Variants in CGNL1 observed in about 807,000 individuals in gnomAD.
CGNL1 encodes the protein cingulin-like protein 1.
CGNL1 carries 132 observed loss-of-function variants against 141.2 expected under a neutral mutation model. The ratio of observed to expected loss-of-function variants is 0.93; its 90% CI spans 0.81 to 1.08. CGNL1 has a LOEUF of 1.08. Ranked by LOEUF, CGNL1 falls within the 50% of genes least tolerant of loss-of-function variation. The probability of loss-of-function intolerance (pLI) is 0.00; values close to 1 mark genes in which losing one functional copy is unlikely to be tolerated. For synonymous variants in CGNL1, 690 were observed against 622.1 expected (o/e 1.11, Z -1.63); for missense variants, 1,870 against 1,588.6 (o/e 1.18, Z -3.01).
At chr15:57,467,149 A>G (rs763672121) in intron 8 of CGNL1, among the ~76,000 whole-genome samples, 2 of 152,352 alleles carry the variant, frequency 1.3e-5, no homozygotes, top group Middle Eastern at 3.4e-3. Context: ...AGGACTATAC[A>G]TATAAATCAG....
At chr15:57,501,519 C>A (rs760097599) in intron 8 of CGNL1, among the ~76,000 whole-genome samples, 2 of 152,190 alleles carry the variant, frequency 1.3e-5, no homozygotes. Context: ...GGCTTATTGT[C>A]CAGTTCCCCA....
intron 8 of CGNL1, among the ~76,000 whole-genome samples, chr15:57,509,584 T>G (rs1161313537): frequency 6.6e-6 from 1 of 151,764 alleles, no homozygotes; most frequent in African/African-American, 2.4e-5. Context: ...CCATGGGGGG[T>G]TTGGTACTCA....
intron 1 of CGNL1, among the ~76,000 whole-genome samples, chr15:57,417,779 G>T (rs542833941): frequency 6.6e-6 from 1 of 152,218 alleles, no homozygotes; most frequent in South Asian, 2.1e-4. Flanking sequence ...GATGGATGAT[G>T]GAGACAAATA....
intron 8 of CGNL1, among the ~76,000 whole-genome samples, chr15:57,462,230 C>T (rs1321054869): frequency 6.6e-6 from 1 of 152,158 alleles, no homozygotes; most frequent in Non-Finnish European, 1.5e-5. Flanking sequence ...AGGCCGAGGG[C>T]ATTGTGTGAC....
chr15:57,402,107 T>C (rs1289079605), intron 1 of CGNL1: 3 of 152,210 alleles, frequency 2.0e-5, no homozygotes, highest in Admixed American at 6.5e-5. Context: ...TCATGTTGAA[T>C]TGTAATCCCC....
chr15:57,426,026 AC>A (rs1286554942), intron 1 of CGNL1, among the ~76,000 whole-genome samples: 4 of 148,378 alleles, frequency 2.7e-5, no homozygotes, highest in Non-Finnish European at 1.5e-5. Context: ...GTAGGCAGGG[AC>A]CCCCCTCCCC....
At chr15:57,503,208 GTA>G (rs2064050847) in intron 8 of CGNL1, among the ~76,000 whole-genome samples, 2 of 152,234 alleles carry the variant, frequency 1.3e-5, no homozygotes, top group African/African-American at 4.8e-5. Context: ...AGTTAGGTCA[GTA>G]GGAGCCTTGG....
intron 1 of CGNL1, among the ~76,000 whole-genome samples, chr15:57,433,068 T>C (rs1170800144): frequency 6.7e-6 from 1 of 150,326 alleles, no homozygotes; most frequent in African/African-American, 2.5e-5. Context: ...ACAACACTTA[T>C]TGGTGAGTAG....
chr15:57,413,899 T>C (rs1252489891), intron 1 of CGNL1, among the ~76,000 whole-genome samples: 2 of 152,202 alleles, frequency 1.3e-5, no homozygotes, highest in Non-Finnish European at 2.9e-5. Context: ...TGTGGCTCTT[T>C]CAAGGAGATG....
At chr15:57,470,476 G>T (rs934913422) in intron 8 of CGNL1, among the ~76,000 whole-genome samples, 1 of 151,972 alleles carries the variant, frequency 6.6e-6, no homozygotes, top group African/African-American at 2.4e-5. Flanking sequence ...AAAAACTCTG[G>T]GGGGCTGGGT....
At chr15:57,459,221 A>G (rs2063416819) in intron 7 of CGNL1, among the ~76,000 whole-genome samples, 1 of 152,230 alleles carries the variant, frequency 6.6e-6, no homozygotes, top group African/African-American at 2.4e-5. Context: ...GAATTCTGAC[A>G]TCTCCAGACA....
At chr15:57,437,890 C>A in intron 1 of CGNL1, 95 bp from the exon 2 acceptor site, 1 of 1,191,438 alleles carries the variant, frequency 8.4e-7, no homozygotes, top group Non-Finnish European at 1.2e-6. Context: ...TTTCTTTGAA[C>A]TTTGAAGTTT....
intron 1 of CGNL1, among the ~76,000 whole-genome samples, chr15:57,380,182 C>A (rs901312003): frequency 6.6e-6 from 1 of 152,148 alleles, no homozygotes; most frequent in African/African-American, 2.4e-5. Context: ...TACAGGCATG[C>A]GCCACCATAC....
chr15:57,464,058 G>A (rs1269231429), intron 8 of CGNL1, among the ~76,000 whole-genome samples: 2 of 129,140 alleles, frequency 1.5e-5, no homozygotes, highest in African/African-American at 6.0e-5. Context: ...CTTAGGCATA[G>A]GGGGCACTTT....
chr15:57,388,357 C>A (rs763817871), intron 1 of CGNL1, among the ~76,000 whole-genome samples: 1 of 152,074 alleles, frequency 6.6e-6, no homozygotes, highest in Non-Finnish European at 1.5e-5. Context: ...TTGTGCTGGA[C>A]GAAGACAGGA....
At position 57,440,409 on chromosome 15, in the gene CGNL1, G is replaced by C; in HGVS notation, c.1635G>C (p.Glu545Asp). The change falls in exon 3 of 19, where the codon GAG becomes GAC. Residue 545 changes from glutamate (E) to aspartate (D), a missense_variant. Coordinates refer to ENST00000281282, the MANE Select transcript of CGNL1 (RefSeq NM_032866.5). Reference protein sequence around the residue: ...ATPDLLKGQQELTQQTNEETA... With the variant: ...ATPDLLKGQQDLTQQTNEETA... ...CGGATCTCTTAAAGGGCCAGCAAGA[G>C]CTCACTCAGCAAACCAATGAGGAGA... is the stretch of plus-strand genomic sequence containing the variant. 1.2e-6 allele frequency: 2 copies of C among 1,602,874 alleles called. No homozygotes were observed. Among genetic ancestry groups the C allele is most frequent in the Non-Finnish European group, 1.7e-6 (2 of 1,174,158 alleles).
chr15:57,444,189 T>C (rs1305147358), intron 4 of CGNL1, among the ~76,000 whole-genome samples: 2 of 152,206 alleles, frequency 1.3e-5, no homozygotes, highest in African/African-American at 2.4e-5. Flanking sequence ...TTATATAAAT[T>C]TTCACAATAT....
At chr15:57,461,625 C>T in intron 7 of CGNL1, 55 bp from the exon 8 acceptor site, 2 of 1,451,514 alleles carry the variant, frequency 1.4e-6, no homozygotes, top group South Asian at 2.3e-5. Context: ...AGATACAGGG[C>T]CTCTCAACAA....
chr15:57,392,724 G>T (rs1435934702), intron 1 of CGNL1, among the ~76,000 whole-genome samples: 1 of 152,204 alleles, frequency 6.6e-6, no homozygotes, highest in Non-Finnish European at 1.5e-5. Context: ...ACAACTGAGG[G>T]TAGAGCAAAG....
Sources: gnomAD v4.1 joint callset for allele counts (sites outside exome capture counted in the v4.1 genomes callset) on GRCh38, gnomAD v4.1.1 for gene constraint, MANE v1.5 for transcripts, NCBI Gene and HGNC (gene_info 2026-07-23, HGNC 2026-07-21) for gene names.